The following CHRM3 variants were observed in gnomAD, a reference collection of about 807,000 sequenced individuals.
CHRM3 encodes cholinergic receptor muscarinic 3, also known as muscarinic acetylcholine receptor M3.
In CHRM3, 11 loss-of-function variants were observed where a neutral mutation model predicts 41.8. The ratio of observed to expected loss-of-function variants is 0.26; its 90% CI spans 0.17 to 0.44. CHRM3 has a LOEUF of 0.44. Among genes scored for constraint, CHRM3 ranks in the 20% least tolerant of loss-of-function variants. The probability of loss-of-function intolerance (pLI) is 1.00; values close to 1 mark genes in which losing one functional copy is unlikely to be tolerated. For missense variants in CHRM3, 571 were observed against 745.4 expected, an observed-to-expected ratio of 0.77 and a Z score of 2.72; for synonymous variants, 297 against 301.4, an observed-to-expected ratio of 0.99 and a Z score of 0.15.
At chr1:239,397,958 C>T (rs1659638501) in intron 1 of CHRM3, among the ~76,000 whole-genome samples, 1 of 151,576 alleles carries the variant, frequency 6.6e-6, no homozygotes, top group South Asian at 2.1e-4. Context: ...ATCAATATTC[C>T]CTTTGAAATT....
rs1349222151 is a variant in CHRM3 at position 239,537,225 on chromosome 1, AT to A, written c.-421-8414del. Among the ~76,000 whole-genome samples, 15 of 152,284 alleles carry A rather than the reference AT, an allele frequency of 9.9e-5. No individual in the cohort carries two copies. In the East Asian group the frequency reaches 2.9e-3, roughly 29 times the overall value. On this transcript the variant is annotated intron_variant, in intron 2 of 6. Transcript: ENST00000676153. ...TCGTCCTGTGTTAGGCAGTTCTTGC[AT>A]TGCTATACAGAAATACCTGAGACAG...
At chr1:239,601,814 T>C (rs1424439928) in intron 3 of CHRM3, among the ~76,000 whole-genome samples, 1 of 152,112 alleles carries the variant, frequency 6.6e-6, no homozygotes, top group Non-Finnish European at 1.5e-5. Context: ...TCTGTGCTTT[T>C]TATATAAATT....
rs145350232 is a variant in CHRM3, at chr1:239,825,884, A to C, written c.-146-1368A>C. Among the ~76,000 whole-genome samples the C allele has an allele frequency of 7.4e-3, 1,129 of 152,258 alleles. 14 individuals are homozygous for C. The highest frequency in any genetic ancestry group is 0.026 in the African/African-American group (1,067 of 41,558). Reference sequence around the variant, plus strand: ...TGTGAAACACTGCACCTGTCCAGCAAGGAAATTCTGATAGGTGCAACAACA... The same window carrying C: ...TGTGAAACACTGCACCTGTCCAGCACGGAAATTCTGATAGGTGCAACAACA... On this transcript the variant is annotated intron_variant, in intron 5 of 6. Transcript: ENST00000676153.
At chr1:239,470,332 C>A (rs987438533) in intron 1 of CHRM3, among the ~76,000 whole-genome samples, 11 of 152,172 alleles carry the variant, frequency 7.2e-5, no homozygotes, top group Non-Finnish European at 1.5e-4. Flanking sequence ...ACTGCCCACT[C>A]TTTAATTTTG....
chr1:239,891,067 A>T (rs898466449), intron 6 of CHRM3, among the ~76,000 whole-genome samples: 15 of 152,230 alleles, frequency 9.9e-5, no homozygotes, highest in African/African-American at 3.6e-4. Flanking sequence ...TCAGGTGTAC[A>T]TGGTTCTAAA....
At chr1:239,552,417 G>A in intron 3 of CHRM3, among the ~76,000 whole-genome samples, 1 of 144,934 alleles carries the variant, frequency 6.9e-6, no homozygotes, top group Non-Finnish European at 1.5e-5. Context: ...ATGTATAGAT[G>A]GTATGTATCA....
rs575512258 is a variant in CHRM3 at position 239,393,385 on chromosome 1, C to T, written c.-521+6158C>T. On this transcript the variant is annotated intron_variant, in intron 1 of 6. Coordinates refer to ENST00000676153, the MANE Select transcript of CHRM3 (RefSeq NM_001375978.1). The stretch of plus-strand genomic sequence containing the variant: ...CTTCTGTTGTGGGAGGTCTCTCAAA[C>T]GATTTACATTGAAAAGAAGTTCTCA... Among the ~76,000 whole-genome samples the T allele has an allele frequency of 4.7e-4, 71 of 152,222 alleles. 2 individuals are homozygous for T. In the South Asian group the frequency reaches 0.014, roughly 30 times the overall value.
chr1:239,708,919 A>G (rs181423625), intron 5 of CHRM3, among the ~76,000 whole-genome samples: 13 of 151,430 alleles, frequency 8.6e-5, no homozygotes, highest in African/African-American at 2.9e-4. Flanking sequence ...TTTAACTCCA[A>G]TAAATGTAAT....
intron 1 of CHRM3, among the ~76,000 whole-genome samples, chr1:239,431,836 G>A (rs7536303): frequency 0.29 from 44,514 of 151,890 alleles, 6,739 homozygotes; most frequent in African/African-American, 0.37. Flanking sequence ...TTATTTCCAC[G>A]TTACTGTATC....
chr1:239,696,898 A>G (rs918491816), intron 5 of CHRM3, among the ~76,000 whole-genome samples: 6 of 152,192 alleles, frequency 3.9e-5, no homozygotes, highest in African/African-American at 1.2e-4. Context: ...ACTGTAAGGG[A>G]AAAAAACTGT....
chr1:239,564,991 C>T (rs2148507060), intron 3 of CHRM3, among the ~76,000 whole-genome samples: 1 of 152,268 alleles, frequency 6.6e-6, no homozygotes, highest in Admixed American at 6.5e-5. Flanking sequence ...GAATCCTTTC[C>T]TTGCCTCTTC....
chr1:239,493,930 T>G (rs1404880911), intron 2 of CHRM3, among the ~76,000 whole-genome samples: 2 of 152,154 alleles, frequency 1.3e-5, no homozygotes, highest in Non-Finnish European at 2.9e-5. Flanking sequence ...AATTCAAGGG[T>G]GAGCCAGTAA....
chr1:239,543,336 T>C (rs2148400801), intron 2 of CHRM3, among the ~76,000 whole-genome samples: 1 of 152,184 alleles, frequency 6.6e-6, no homozygotes, highest in South Asian at 2.1e-4. Context: ...AGAAATACCC[T>C]GCCCTACTCA....
chr1:239,570,241 T>C (rs148351937), intron 3 of CHRM3, among the ~76,000 whole-genome samples: 1 of 152,266 alleles, frequency 6.6e-6, no homozygotes. Flanking sequence ...CCCTGGGCTT[T>C]TCTGTCCTTC....
At chr1:239,459,591 T>C (rs1328470393) in intron 1 of CHRM3, among the ~76,000 whole-genome samples, 1 of 152,206 alleles carries the variant, frequency 6.6e-6, no homozygotes, top group African/African-American at 2.4e-5. Context: ...TTGATAATTA[T>C]ACTTAAATGA....
intron 5 of CHRM3, among the ~76,000 whole-genome samples, chr1:239,814,756 G>A (rs1381839954): frequency 5.3e-5 from 8 of 152,004 alleles, no homozygotes; most frequent in Admixed American, 6.6e-5. Flanking sequence ...TTACTCTGCC[G>A]TTTGCTTTTC....
intron 3 of CHRM3, among the ~76,000 whole-genome samples, chr1:239,589,213 C>T (rs995905979): frequency 9.2e-5 from 14 of 152,008 alleles, no homozygotes; most frequent in Non-Finnish European, 1.9e-4. Flanking sequence ...GGATTACAGG[C>T]GTGAGCCACT....
rs144011391 is a variant in CHRM3 at position 239,567,551 on chromosome 1, T to C, written c.-313+21802T>C. Among the ~76,000 whole-genome samples, 540 of 152,326 alleles carry C rather than the reference T, an allele frequency of 3.5e-3. 4 individuals carry two copies. Among genetic ancestry groups the C allele is most frequent in the African/African-American group, 0.012 (510 of 41,582 alleles). On this transcript the variant is annotated intron_variant, in intron 3 of 6. Transcript: ENST00000676153. ...CCTACTGGTTTTAGGTAACAACTTA[T>C]AGAATTTATCTTGAAGCAATAATTA...
intron 3 of CHRM3, among the ~76,000 whole-genome samples, chr1:239,625,073 C>G (rs1668887686): frequency 1.7e-5 from 1 of 57,292 alleles, no homozygotes; most frequent in South Asian, 8.1e-4. Flanking sequence ...GGCATTGAAT[C>G]TGTAAATTAC....
Sources: gnomAD v4.1 joint callset for allele counts (sites outside exome capture counted in the v4.1 genomes callset) on GRCh38, gnomAD v4.1.1 for gene constraint, MANE v1.5 for transcripts, NCBI Gene and HGNC (gene_info 2026-07-23, HGNC 2026-07-21) for gene names.